Variants in NUP98 observed in about 807,000 individuals in gnomAD.
The protein encoded by NUP98 is nucleoporin 98 and 96 precursor.
In NUP98, 26 loss-of-function variants were observed where a neutral mutation model predicts 191.9. The observed-to-expected ratio is 0.14, with a 90% CI of 0.10 to 0.19. The LOEUF is 0.19. Among genes scored for constraint, NUP98 ranks in the 10% least tolerant of loss-of-function variants. NUP98 has a pLI of 1.00. For missense variants in NUP98, 1,941 were observed against 2,178.8 expected (o/e 0.89, Z 2.17); for synonymous variants, 808 against 778.4 (o/e 1.04, Z -0.63).
At chr11:3,742,713 A>T (rs2080329850) in intron 12 of NUP98, among the ~76,000 whole-genome samples, 1 of 151,794 alleles carries the variant, frequency 6.6e-6, no homozygotes, top group Admixed American at 6.6e-5. Flanking sequence ...AAAAAAAAAA[A>T]AAAAAAGATG....
intron 12 of NUP98, among the ~76,000 whole-genome samples, chr11:3,739,466 C>G (rs2080197211): frequency 6.6e-6 from 1 of 151,940 alleles, no homozygotes; most frequent in Non-Finnish European, 1.5e-5. Flanking sequence ...CCAGGATGGT[C>G]GAACTCCTGA....
At position 3,735,267 on chromosome 11, in the gene NUP98, T is replaced by C. The variant is rs756679934; in HGVS notation, c.1466A>G (p.Asn489Ser). ...AQQAVLQQHI[N>S]SLTYSPFGDS... ...TCCAAAAGGTGAGTATGTTAGACTA[T>C]TGATGTGCTGCTGGAGAACAGCCTG... Residue 489 changes from asparagine (N) to serine (S), a missense_variant, in exon 13 of 33, where the codon AAT becomes AGT. Asn to Ser is a conservative substitution (Grantham distance 46). This residue lies in a region of NUP98 where 453 missense variants were observed against 438.2 expected (regional missense o/e 1.03). Transcript: ENST00000324932. The C allele has an allele frequency of 1.9e-5, 31 of 1,594,812 alleles. No homozygotes were observed. Among genetic ancestry groups the C allele is most frequent in the Middle Eastern group, 1.7e-4 (1 of 5,884 alleles).
At chr11:3,683,102 C>T in intron 30 of NUP98, 98 bp downstream of exon 30, 1 of 1,529,994 alleles carries the variant, frequency 6.5e-7, no homozygotes, top group Non-Finnish European at 8.9e-7. Context: ...ATGGCCATGT[C>T]CTACGTTGAG....
chr11:3,714,097 T>C (rs1039331927), intron 18 of NUP98, 102 bp from the exon 19 acceptor site: 22 of 1,173,854 alleles, frequency 1.9e-5, no homozygotes, highest in Non-Finnish European at 2.5e-5. Flanking sequence ...ATGGTAACTA[T>C]GCTGCCTTGG....
At position 3,725,173 on chromosome 11, in the gene NUP98, G is replaced by C; in HGVS notation, c.1777C>G (p.Leu593Val). 2.5e-6 allele frequency: 4 copies of C among 1,601,042 alleles called. No individual in the cohort carries two copies. Among genetic ancestry groups the C allele is most frequent in the South Asian group, 2.2e-5 (2 of 90,524 alleles). The part of the protein sequence containing the change: ...LVLKNLNNSN[L>V]FSPVNRDSEN... ...GAATCACGATTAACAGGAGAAAAGA[G>C]ATTGCTATTATTAAGGTTCTTCAAA... is the stretch of plus-strand genomic sequence containing the variant. The change falls in exon 15 of 33, where the codon CTC (leucine) becomes GTC (valine). Residue 593 changes from leucine to valine, a missense_variant. Transcript: ENST00000324932.
chr11:3,772,743 G>A (rs1057114474), intron 6 of NUP98, among the ~76,000 whole-genome samples: 1 of 151,636 alleles, frequency 6.6e-6, no homozygotes, highest in Admixed American at 6.6e-5. Flanking sequence ...AAATCCAGGA[G>A]GCAGAGATTG....
At position 3,719,503 on chromosome 11, in the gene NUP98, T is replaced by G. The variant is rs1420247826; in HGVS notation, c.2308A>C (p.Asn770His). ...FEGDVNLTNL[N>H]LDDIVHIRRK... ...CGGATATGCACAATATCATCCAAATTTAGATTTGTCAAATTCACATCTCCT... is the reference window on the plus strand; with the variant it reads ...CGGATATGCACAATATCATCCAAATGTAGATTTGTCAAATTCACATCTCCT... Residue 770 changes from asparagine to histidine, a missense_variant, in exon 18 of 33, where the codon AAT (asparagine) becomes CAT (histidine). Asn to His is a moderately conservative substitution (Grantham distance 68). Transcript: ENST00000324932. 3 of 1,591,908 alleles carry G rather than the reference T, an allele frequency of 1.9e-6. No individual in the cohort carries two copies. Among genetic ancestry groups the G allele is most frequent in the Non-Finnish European group, 2.6e-6 (3 of 1,171,576 alleles).
At chr11:3,790,164 ATGAG>A (rs2082286437) in intron 1 of NUP98, among the ~76,000 whole-genome samples, 1 of 152,206 alleles carries the variant, frequency 6.6e-6, no homozygotes, top group Admixed American at 6.5e-5. Context: ...ATGTGAAGTG[ATGAG>A]TGACTGTAAC....
chr11:3,676,518 C>T lies in NUP98; in HGVS notation c.5176G>A (p.Ala1726Thr). 1 of 1,613,742 alleles carries T rather than the reference C, an allele frequency of 6.2e-7. No individual in the cohort carries two copies. Among genetic ancestry groups the T allele is most frequent in the Non-Finnish European group, 8.5e-7 (1 of 1,179,666 alleles). Reference protein sequence around the residue: ...IQCYSAKDRLAQSDMAKRVAN... With the variant: ...IQCYSAKDRLTQSDMAKRVAN... The stretch of plus-strand genomic sequence containing the variant: ...GAGGTTAGAGGCTTACCTGACTGAG[C>T]CAGGCGATCTTTAGCACTGTAACAC... Residue 1726 changes from alanine (A) to threonine (T), a missense_variant, in exon 32 of 33, where the codon GCT (alanine) becomes ACT (threonine). Around this residue, in one of 6 missense-constraint regions of NUP98, gnomAD observed 1,030 missense variants for 1,115.8 expected, o/e 0.92. Coordinates refer to ENST00000324932, the MANE Select transcript of NUP98 (RefSeq NM_016320.5).
At chr11:3,686,333 A>G (rs1032541969) in intron 28 of NUP98, 139 bp from the exon 29 acceptor site, 8 of 697,990 alleles carry the variant, frequency 1.1e-5, no homozygotes, top group African/African-American at 9.0e-5. Flanking sequence ...CTCTGAGCCT[A>G]TGTTTTATCA....
intron 1 of NUP98, among the ~76,000 whole-genome samples, chr11:3,794,597 G>C (rs898899861): frequency 6.6e-6 from 1 of 151,792 alleles, no homozygotes; most frequent in African/African-American, 2.4e-5. Context: ...AAAGTGCTAG[G>C]ATTACAGGCG....
intron 10 of NUP98, among the ~76,000 whole-genome samples, chr11:3,755,924 C>T (rs2080944327): frequency 6.6e-6 from 1 of 152,310 alleles, no homozygotes; most frequent in Middle Eastern, 3.4e-3. Flanking sequence ...AATCACGCCA[C>T]TGCACTCCAG....
At chr11:3,717,158 C>T (rs1448053513) in intron 18 of NUP98, among the ~76,000 whole-genome samples, 3 of 152,064 alleles carry the variant, frequency 2.0e-5, no homozygotes, top group African/African-American at 7.2e-5. Flanking sequence ...CCACGTCTGG[C>T]GAATTTTTGT....
At chr11:3,715,428 C>T (rs547342177) in intron 18 of NUP98, among the ~76,000 whole-genome samples, 4 of 151,978 alleles carry the variant, frequency 2.6e-5, no homozygotes, top group Middle Eastern at 3.4e-3. Flanking sequence ...CCACCACGCC[C>T]GGCCATTTTT....
At chr11:3,708,285 G>A (rs1298913594) in intron 20 of NUP98, among the ~76,000 whole-genome samples, 2 of 151,886 alleles carry the variant, frequency 1.3e-5, no homozygotes, top group Non-Finnish European at 2.9e-5. Context: ...AGAGTGAGTG[G>A]GAGGAAAGAA....
chr11:3,748,529 A>G (rs1190667363), intron 11 of NUP98, among the ~76,000 whole-genome samples: 2 of 152,184 alleles, frequency 1.3e-5, no homozygotes, highest in African/African-American at 4.8e-5. Context: ...TTGGAAAAAA[A>G]TAAAACTTGT....
intron 2 of NUP98, among the ~76,000 whole-genome samples, chr11:3,780,514 C>T (rs1312937946): frequency 7.4e-6 from 1 of 135,572 alleles, no homozygotes; most frequent in Non-Finnish European, 1.5e-5. Context: ...CGCACTCCAT[C>T]CTGGGTGACA....
chr11:3,745,899 T>C (rs1265002620), intron 11 of NUP98, among the ~76,000 whole-genome samples: 2 of 152,168 alleles, frequency 1.3e-5, no homozygotes, highest in Non-Finnish European at 2.9e-5. Context: ...AGAAAGTTTA[T>C]ACCAAGACAA....
At chr11:3,692,548 T>C (rs996499539) in intron 27 of NUP98, among the ~76,000 whole-genome samples, 6 of 151,174 alleles carry the variant, frequency 4.0e-5, no homozygotes, top group Non-Finnish European at 8.8e-5. Context: ...TGAGCCGAGA[T>C]CGCGCTACTG....
Sources: allele counts gnomAD v4.1 joint callset (sites outside exome capture counted in the v4.1 genomes callset), GRCh38; gene constraint gnomAD v4.1.1; regional missense constraint gnomAD v4.1.1; transcripts MANE v1.5; gene names NCBI Gene and HGNC (gene_info 2026-07-23, HGNC 2026-07-21).